The following COPB1 variants were observed in gnomAD, a reference collection of about 807,000 sequenced individuals.
COPB1 encodes coatomer subunit beta.
In COPB1, 21 loss-of-function variants were observed where a neutral mutation model predicts 108.7. The ratio of observed to expected loss-of-function variants is 0.19; its 90% confidence interval spans 0.14 to 0.28. COPB1 has a LOEUF of 0.28. Ranked by LOEUF, COPB1 falls within the 10% of genes least tolerant of loss-of-function variation. The probability of loss-of-function intolerance (pLI) is 1.00; values close to 1 mark genes in which losing one functional copy is unlikely to be tolerated. For synonymous variants in COPB1, 378 were observed against 386.8 expected (o/e 0.98, Z 0.27); for missense variants, 919 against 1,141.3 (o/e 0.81, Z 2.81).
chr11:14,494,074 A>T, intron 3 of COPB1, 136 bp downstream of exon 3: 1 of 694,046 alleles, frequency 1.4e-6, no homozygotes, highest in Non-Finnish European at 2.3e-6. Context: ...TTTAAAAATA[A>T]CTCTTTTACA....
In COPB1 at chr11:14,464,925, A is replaced by G; in HGVS notation, c.2396T>C (p.Ile799Thr). 1 of 1,613,126 alleles carries G rather than the reference A, an allele frequency of 6.2e-7. No individual in the cohort carries two copies. Among genetic ancestry groups the G allele is most frequent in the Non-Finnish European group, 8.5e-7 (1 of 1,179,632 alleles). ...VKVASTENGIIFGNIVYDVSG... is the reference protein window; with the variant it reads ...VKVASTENGITFGNIVYDVSG... ...CAGCACCTTACCTATATTACCAAAA[A>G]TTATTCCATTTTCTGTTGATGCTAC... The change falls in exon 18 of 22, where the codon ATT becomes ACT. Residue 799 changes from isoleucine (I) to threonine (T), a missense_variant. Physicochemically the swap from Ile to Thr is moderately conservative, Grantham distance 89. This residue lies in a region of COPB1 where 705 missense variants were observed against 817.8 expected (regional missense o/e 0.86). Transcript: ENST00000439561.
Position 14,461,305 on chromosome 11 carries a change from C to T in COPB1, c.2437G>A (p.Asp813Asn), listed in dbSNP as rs1220447776. Residue 813 changes from aspartate (D) to asparagine (N), a missense_variant, in exon 19 of 22, where the codon GAC (aspartate) becomes AAC (asparagine). Coordinates refer to ENST00000439561, the MANE Select transcript of COPB1 (RefSeq NM_001144061.2). ...IVYDVSGAAS[D>N]RNCVVLSDIH... Reference sequence around the variant, plus strand: ...TCACTGAGAACCACACAATTTCTGTCACTTGCTGCTCCAGAGACATCATAA... The same window carrying T: ...TCACTGAGAACCACACAATTTCTGTTACTTGCTGCTCCAGAGACATCATAA... The T allele has an allele frequency of 1.9e-6, 3 of 1,614,138 alleles. No individual in the cohort carries two copies. Among genetic ancestry groups the T allele is most frequent in the Non-Finnish European group, 1.7e-6 (2 of 1,180,004 alleles).
chr11:14,478,457 C>CA (rs929427503), intron 11 of COPB1, among the ~76,000 whole-genome samples: 3 of 149,258 alleles, frequency 2.0e-5, no homozygotes, highest in African/African-American at 7.3e-5. Flanking sequence ...AAAACAAAAA[C>CA]AAAAAATCAG....
intron 11 of COPB1, among the ~76,000 whole-genome samples, chr11:14,477,896 C>CAAAAAAAAAA (rs1289045044): frequency 1.7e-5 from 1 of 59,888 alleles, no homozygotes. Flanking sequence ...GACTCCATCT[C>CAAAAAAAAAA]AAAAAAAAAA....
chr11:14,464,996 C>G lies in COPB1; in HGVS notation c.2325G>C (p.Leu775Phe), dbSNP rs1850250668. Residue 775 changes from leucine (L) to phenylalanine (F), a missense_variant, in exon 18 of 22, where the codon TTG (leucine) becomes TTC (phenylalanine). By Grantham distance (22) the Leu-to-Phe change is conservative. This residue lies in a region of COPB1 where 705 missense variants were observed against 817.8 expected (regional missense o/e 0.86). Transcript: ENST00000439561. The stretch of plus-strand genomic sequence containing the variant: ...TTGCGAAGTCATGAGGAGCAAGAGT[C>G]AAAGGAGACGGCTTTTCCACAAGTT... Reference protein sequence around the residue: ...DLKLVEKPSPLTLAPHDFANI... With the variant: ...DLKLVEKPSPFTLAPHDFANI... The G allele has an allele frequency of 3.7e-6, 6 of 1,611,834 alleles. No homozygotes were observed. The East Asian group carries it at 1.3e-4, about 36-fold the overall frequency.
rs1850341494 is a variant in COPB1, at chr11:14,468,852, A to T, written c.1974T>A (p.Ser658=). 1 of 1,613,370 alleles carries T rather than the reference A, an allele frequency of 6.2e-7. No individual in the cohort carries two copies. The highest frequency in any genetic ancestry group is 8.5e-7 in the Non-Finnish European group (1 of 1,179,656). The change falls in exon 16 of 22, where the codon TCT becomes TCA. Residue 658 remains serine (S), a synonymous_variant. Coordinates refer to ENST00000439561, the MANE Select transcript of COPB1 (RefSeq NM_001144061.2). ...GCTGTACTGTCACATTCCTCTTTTCAGATTCTTTCTGTGTTGAGAATATAA... is the reference window on the plus strand; with the variant it reads ...GCTGTACTGTCACATTCCTCTTTTCTGATTCTTTCTGTGTTGAGAATATAA... ...EEEKLSQKKE[S]EKRNVTVQPD...
chr11:14,467,859 G>A (rs1850317468), intron 16 of COPB1, among the ~76,000 whole-genome samples: 2 of 152,256 alleles, frequency 1.3e-5, no homozygotes, highest in African/African-American at 2.4e-5. Flanking sequence ...GAGACACAAA[G>A]TAGAATGGTG....
At chr11:14,480,738 A>G (rs1349521690) in intron 10 of COPB1, 21 bp downstream of exon 10, 1 of 1,584,736 alleles carries the variant, frequency 6.3e-7, no homozygotes. Context: ...TTTCAAAATT[A>G]AAGTCATCAG....
At chr11:14,490,189 G>A (rs548798141) in intron 5 of COPB1, among the ~76,000 whole-genome samples, 1 of 152,286 alleles carries the variant, frequency 6.6e-6, no homozygotes, top group East Asian at 1.9e-4. Flanking sequence ...CCTCTACACT[G>A]AAGGCCACCC....
At chr11:14,463,615 C>T (rs61884051) in intron 18 of COPB1, among the ~76,000 whole-genome samples, 6 of 152,096 alleles carry the variant, frequency 3.9e-5, no homozygotes, top group Admixed American at 2.0e-4. Context: ...CCACCACACC[C>T]GGCCTATCTC....
At chr11:14,474,009 G>A (rs1295271282) in intron 14 of COPB1, 1 of 152,258 alleles carries the variant, frequency 6.6e-6, no homozygotes, top group Non-Finnish European at 1.5e-5. Flanking sequence ...GAATCTGCAG[G>A]TGCAGAAGCT....
At chr11:14,458,066 G>A (rs942454923) in intron 21 of COPB1, among the ~76,000 whole-genome samples, 183 bp from the exon 22 acceptor site, 1 of 144,002 alleles carries the variant, frequency 6.9e-6, no homozygotes, top group Non-Finnish European at 1.5e-5. Context: ...TTTTCAAGCC[G>A]TCACCAGATT....
intron 2 of COPB1, among the ~76,000 whole-genome samples, chr11:14,497,500 A>T (rs1851048664): frequency 6.6e-6 from 1 of 152,190 alleles, no homozygotes; most frequent in Non-Finnish European, 1.5e-5. Flanking sequence ...ATATCATCTC[A>T]CCCCAGTTAA....
At chr11:14,467,536 G>T (rs1850311175) in intron 16 of COPB1, among the ~76,000 whole-genome samples, 1 of 152,138 alleles carries the variant, frequency 6.6e-6, no homozygotes, top group Non-Finnish European at 1.5e-5. Context: ...TCTGCTTCTA[G>T]ATATATACCC....
chr11:14,480,741 G>A lies in COPB1; in HGVS notation c.1212+18C>T. On this transcript the variant is annotated intron_variant, in intron 10 of 21. Coordinates refer to ENST00000439561, the MANE Select transcript of COPB1 (RefSeq NM_001144061.2). ...TCTTTTAGATAATTTCAAAATTAAAGTCATCAGAATTACATACCACAGGAA... is the reference window on the plus strand; with the variant it reads ...TCTTTTAGATAATTTCAAAATTAAAATCATCAGAATTACATACCACAGGAA... The A allele has an allele frequency of 5.0e-6, 8 of 1,584,574 alleles. No individual in the cohort carries two copies. The highest frequency in any genetic ancestry group is 6.8e-6 in the Non-Finnish European group (8 of 1,171,230).
At chr11:14,494,495 A>G (rs1850975316) in intron 2 of COPB1, 56 bp from the exon 3 acceptor site, 1 of 1,041,138 alleles carries the variant, frequency 9.6e-7, no homozygotes, top group South Asian at 1.5e-5. Context: ...AAAATTCATC[A>G]CATAAATTTA....
chr11:14,491,684 AAAG>A (rs1449660456), intron 4 of COPB1, among the ~76,000 whole-genome samples: 1 of 151,882 alleles, frequency 6.6e-6, no homozygotes, highest in Non-Finnish European at 1.5e-5. Flanking sequence ...AAAAAAAAAA[AAAG>A]GAACTGGTAG....
At position 14,475,868 on chromosome 11, in the gene COPB1, A is replaced by C; in HGVS notation, c.1533T>G (p.Val511=). ...TACCCATTTCAGTAACCAATTTCTG[A>C]ACTGGCCCTACAGTTATTTCTTCTT... The part of the protein sequence containing the change: ...KPEEEITVGP[V]QKLVTEMGTY... Residue 511 remains valine (V), a synonymous_variant, in exon 13 of 22, where the codon GTT becomes GTG. Transcript: ENST00000439561. 1 of 1,613,872 alleles carries C rather than the reference A, an allele frequency of 6.2e-7. No homozygotes were observed. Among genetic ancestry groups the C allele is most frequent in the Non-Finnish European group, 8.5e-7 (1 of 1,179,912 alleles).
chr11:14,498,789 TTTG>T (rs767742499), intron 2 of COPB1, 46 bp downstream of exon 2: 4 of 1,443,948 alleles, frequency 2.8e-6, no homozygotes, highest in Non-Finnish European at 3.8e-6. Flanking sequence ...GTTTTTTATT[TTTG>T]TTTTTTCTTT....
Sources: gnomAD v4.1 joint callset for allele counts (sites outside exome capture counted in the v4.1 genomes callset) on GRCh38, gnomAD v4.1.1 for gene constraint, gnomAD v4.1.1 regional missense constraint, MANE v1.5 for transcripts, NCBI Gene and HGNC (gene_info 2026-07-23, HGNC 2026-07-21) for gene names.